RARB: variants seen among roughly 807,000 people sequenced by gnomAD.
RARB encodes retinoic acid receptor beta, also known as HBV-activated protein.
Under a neutral mutation model 51.9 loss-of-function variants are expected in RARB, and 17 were observed. The observed-to-expected ratio is 0.33, with a 90% confidence interval of 0.22 to 0.49. The LOEUF is 0.49. Among genes scored for constraint, RARB ranks in the 20% least tolerant of loss-of-function variants. RARB has a pLI of 0.99. For missense variants in RARB, 369 were observed against 550.8 expected (o/e 0.67, Z 3.30); for synonymous variants, 215 against 195.4 (o/e 1.10, Z -0.84).
chr3:25,504,337 G>C (rs1378289539), intron 3 of RARB, among the ~76,000 whole-genome samples: 1 of 152,198 alleles, frequency 6.6e-6, no homozygotes, highest in African/African-American at 2.4e-5. Context: ...CAAAAAGAGA[G>C]ACTATTAGAT....
intron 4 of RARB, among the ~76,000 whole-genome samples, chr3:25,172,366 G>A (rs578004424): frequency 6.6e-6 from 1 of 152,188 alleles, no homozygotes; most frequent in African/African-American, 2.4e-5. Flanking sequence ...TGACATTGAG[G>A]GGAATTCATT....
chr3:25,050,149 A>G (rs1401004436), intron 2 of RARB, among the ~76,000 whole-genome samples: 1 of 152,236 alleles, frequency 6.6e-6, no homozygotes, highest in Non-Finnish European at 1.5e-5. Context: ...CTGGGCTTGG[A>G]GTTTTGTGTG....
chr3:25,072,778 G>A (rs1478871924), intron 3 of RARB, among the ~76,000 whole-genome samples: 1 of 151,600 alleles, frequency 6.6e-6, no homozygotes, highest in Non-Finnish European at 1.5e-5. Context: ...GCGCGATCTC[G>A]GCTCACTGCA....
chr3:24,983,993 G>T (rs1332020034), intron 2 of RARB, among the ~76,000 whole-genome samples: 2 of 152,140 alleles, frequency 1.3e-5, no homozygotes, highest in Non-Finnish European at 2.9e-5. Context: ...CATTTTTTAT[G>T]ATTCTTACTA....
chr3:25,489,528 C>T (rs554137568), intron 2 of RARB, among the ~76,000 whole-genome samples: 77 of 152,256 alleles, frequency 5.1e-4, no homozygotes, highest in Non-Finnish European at 9.3e-4. Flanking sequence ...GCATATACTC[C>T]ATCACAAAAA....
At chr3:25,367,809 A>G (rs1330664092) in intron 5 of RARB, among the ~76,000 whole-genome samples, 1 of 140,856 alleles carries the variant, frequency 7.1e-6, no homozygotes, top group Non-Finnish European at 1.5e-5. Flanking sequence ...GTCACAAAAA[A>G]AAACAAGCAA....
rs745796441 is a variant in RARB at position 25,342,144 on chromosome 3, T to C, written c.179-119049T>C. 1.4e-4 allele frequency among the ~76,000 whole-genome samples: 21 copies of C among 152,298 alleles called. 1 individual carries two copies. Among genetic ancestry groups the C allele is most frequent in the Non-Finnish European group, 2.6e-4 (18 of 68,016 alleles). ...AAAATAAGAAAAAGAGATACTCAAGTTGTTAAGCAGACTGCAGTTTCAGGA... is the reference window on the plus strand; with the variant it reads ...AAAATAAGAAAAAGAGATACTCAAGCTGTTAAGCAGACTGCAGTTTCAGGA... On this transcript the variant is annotated intron_variant, in intron 5 of 11. Coordinates refer to the RARB transcript ENST00000383772.
intron 5 of RARB, among the ~76,000 whole-genome samples, chr3:25,259,403 G>T (rs1432671126): frequency 6.6e-6 from 1 of 152,048 alleles, no homozygotes; most frequent in East Asian, 1.9e-4. Context: ...AATATTTATT[G>T]GGTCTCATGT....
At chr3:24,882,201 G>T (rs983237254) in intron 2 of RARB, among the ~76,000 whole-genome samples, 1 of 152,164 alleles carries the variant, frequency 6.6e-6, no homozygotes, top group African/African-American at 2.4e-5. Flanking sequence ...AGATATAGCA[G>T]AACAAGTAGC....
intron 2 of RARB, among the ~76,000 whole-genome samples, chr3:24,877,999 A>G (rs1365431402): frequency 6.6e-6 from 1 of 152,182 alleles, no homozygotes; most frequent in African/African-American, 2.4e-5. Context: ...TCGGTTTCCT[A>G]TTGACATAAA....
intron 5 of RARB, among the ~76,000 whole-genome samples, chr3:25,183,872 T>A (rs1251486086): frequency 6.6e-6 from 1 of 152,144 alleles, no homozygotes; most frequent in Non-Finnish European, 1.5e-5. Context: ...GTTATGTAAT[T>A]AGTTGTACAC....
chr3:25,059,690 C>T (rs1358358348), intron 2 of RARB, among the ~76,000 whole-genome samples: 1 of 151,540 alleles, frequency 6.6e-6, no homozygotes, highest in Admixed American at 6.6e-5. Context: ...TTTACAAAAG[C>T]AAATGAACAA....
At chr3:24,944,490 T>G (rs765254995) in intron 2 of RARB, among the ~76,000 whole-genome samples, 10 of 152,208 alleles carry the variant, frequency 6.6e-5, no homozygotes, top group Non-Finnish European at 1.0e-4. Flanking sequence ...ATGTGGAAAC[T>G]AAGTCTAAGG....
At chr3:24,968,750 G>T (rs1467135350) in intron 2 of RARB, among the ~76,000 whole-genome samples, 4 of 152,090 alleles carry the variant, frequency 2.6e-5, no homozygotes, top group Non-Finnish European at 4.4e-5. Context: ...TTAAGTTTCT[G>T]CCTTACAATT....
At chr3:25,407,507 G>C (rs988505003) in intron 5 of RARB, among the ~76,000 whole-genome samples, 1 of 152,080 alleles carries the variant, frequency 6.6e-6, no homozygotes. Context: ...TTCTACTTTG[G>C]ATATTGTATT....
intron 2 of RARB, among the ~76,000 whole-genome samples, chr3:25,043,806 C>T (rs1698159674): frequency 6.6e-6 from 1 of 151,330 alleles, no homozygotes; most frequent in Admixed American, 6.6e-5. Context: ...ACTTCAGGAC[C>T]ATGGTAGGAG....
intron 2 of RARB, among the ~76,000 whole-genome samples, chr3:25,021,979 C>A (rs1433924901): frequency 2.6e-5 from 4 of 152,052 alleles, no homozygotes; most frequent in Non-Finnish European, 5.9e-5. Flanking sequence ...CTGAATTTCC[C>A]AATTACATGG....
intron 5 of RARB, among the ~76,000 whole-genome samples, chr3:25,325,252 C>G (rs1338648703): frequency 6.6e-6 from 1 of 152,110 alleles, no homozygotes; most frequent in South Asian, 2.1e-4. Flanking sequence ...TGTCTCTCAG[C>G]ATGCTAATAC....
chr3:25,408,647 C>G (rs1356341850), intron 5 of RARB, among the ~76,000 whole-genome samples: 1 of 152,090 alleles, frequency 6.6e-6, no homozygotes, highest in Non-Finnish European at 1.5e-5. Flanking sequence ...AGTTCTTTCT[C>G]CATTAAAGAA....
Sources: allele counts gnomAD v4.1 joint callset (sites outside exome capture counted in the v4.1 genomes callset), GRCh38; gene constraint gnomAD v4.1.1; transcripts MANE v1.5; gene names NCBI Gene and HGNC (gene_info 2026-07-23, HGNC 2026-07-21).